Variants in BDP1 observed in about 807,000 individuals in gnomAD.
The protein encoded by BDP1 is BDP1 general transcription factor IIIB subunit, also known as transcription factor TFIIIB component B'' homolog.
In BDP1, 169 loss-of-function variants were observed where a neutral mutation model predicts 266.6. The observed-to-expected ratio is 0.63, with a 90% CI of 0.56 to 0.72. BDP1 has a LOEUF of 0.72. BDP1 is among the 30% of genes least tolerant of loss of function. The pLI, the probability that BDP1 is intolerant of heterozygous loss-of-function variation, is 0.00. For synonymous variants in BDP1, 1,090 were observed against 1,022.4 expected, an observed-to-expected ratio of 1.07 and a Z score of -1.26; for missense variants, 3,015 against 3,053.8, an observed-to-expected ratio of 0.99 and a Z score of 0.30.
At chr5:71,504,574 C>T (rs780567629) in intron 15 of BDP1, 47 bp from the exon 16 acceptor site, 2 of 1,539,454 alleles carry the variant, frequency 1.3e-6, no homozygotes, top group Non-Finnish European at 1.8e-6. Flanking sequence ...ATCTGTTATG[C>T]CTCATTGTGA....
At chr5:71,547,676 C>T (rs550651819) in intron 32 of BDP1, among the ~76,000 whole-genome samples, 4 of 152,178 alleles carry the variant, frequency 2.6e-5, no homozygotes, top group African/African-American at 9.7e-5. Flanking sequence ...GCAGGCCAGG[C>T]GCAGTGGCTC....
chr5:71,492,159 A>T (rs557783937), intron 11 of BDP1, among the ~76,000 whole-genome samples: 9 of 152,276 alleles, frequency 5.9e-5, no homozygotes, highest in Non-Finnish European at 1.0e-4. Flanking sequence ...CATTTTCTTT[A>T]TGGACATTTA....
At position 71,507,003 on chromosome 5, in the gene BDP1, G is replaced by C. The variant is rs191442891; in HGVS notation, c.2372+2252G>C. ...ATCTGGCTAATTTTTAAATTTTTTTGTAGAGACAGGGTTTCGCCATGTTGC... is the reference window on the plus strand; with the variant it reads ...ATCTGGCTAATTTTTAAATTTTTTTCTAGAGACAGGGTTTCGCCATGTTGC... On this transcript the variant is annotated intron_variant, in intron 16 of 38. Coordinates refer to ENST00000358731, the MANE Select transcript of BDP1 (RefSeq NM_018429.3). Among the ~76,000 whole-genome samples the C allele has an allele frequency of 3.5e-3, 529 of 151,956 alleles. 8 individuals carry two copies. Among genetic ancestry groups the C allele is most frequent in the African/African-American group, 0.012 (489 of 41,430 alleles).
chr5:71,481,156 A>G (rs914631876), intron 7 of BDP1, among the ~76,000 whole-genome samples: 5 of 151,958 alleles, frequency 3.3e-5, no homozygotes, highest in African/African-American at 1.2e-4. Context: ...CCTGTGAGAC[A>G]GAGCAAGATT....
At chr5:71,525,742 C>A (rs1765818521) in intron 25 of BDP1, among the ~76,000 whole-genome samples, 1 of 151,730 alleles carries the variant, frequency 6.6e-6, no homozygotes, top group Admixed American at 6.6e-5. Context: ...GGGCTGACCC[C>A]CACCTCCCTC....
chr5:71,512,363 TA>T lies in BDP1; in HGVS notation c.4186del (p.Thr1396GlnfsTer20). Reference protein sequence around the residue: ...KISSQTHESDKTEVQGIQSPD... With the variant: ...KISSQTHESDXTEVQGIQSPD... ...TTTCTTCACAGACTCATGAATCTGA[TA>T]AAACAGAAGTCCAGGGGATTCAATC... is the stretch of plus-strand genomic sequence containing the variant. On this transcript the variant is annotated frameshift_variant, in exon 18 of 39. Transcript: ENST00000358731. LOFTEE classifies it high-confidence loss of function. 6.3e-7 allele frequency: 1 copy of T among 1,598,406 alleles called. No homozygotes were observed.
intron 2 of BDP1, among the ~76,000 whole-genome samples, chr5:71,459,282 G>A (rs186685141): frequency 1.3e-5 from 2 of 152,198 alleles, no homozygotes; most frequent in Admixed American, 6.5e-5. Flanking sequence ...GAGGACTAGG[G>A]GGGCAGATCA....
intron 36 of BDP1, among the ~76,000 whole-genome samples, chr5:71,559,235 A>T (rs1743453424): frequency 6.6e-6 from 1 of 152,222 alleles, no homozygotes; most frequent in African/African-American, 2.4e-5. Context: ...TGAAACTGTA[A>T]TATGGTTACA....
At chr5:71,469,491 G>C (rs1404625491) in intron 6 of BDP1, among the ~76,000 whole-genome samples, 1 of 152,028 alleles carries the variant, frequency 6.6e-6, no homozygotes, top group African/African-American at 2.4e-5. Flanking sequence ...GCACATCTTA[G>C]TTGCCTATGT....
chr5:71,464,137 A>T lies in BDP1; in HGVS notation c.659+20A>T. On this transcript the variant is annotated intron_variant, in intron 4 of 38. Transcript: ENST00000358731. Reference sequence around the variant, plus strand: ...AAGAGAGTAAGTATTTTATTTTTGAATATATTCTATTCCTACATTTTTTAA... The same window carrying T: ...AAGAGAGTAAGTATTTTATTTTTGATTATATTCTATTCCTACATTTTTTAA... 1 of 1,418,204 alleles carries T rather than the reference A, an allele frequency of 7.1e-7. No individual in the cohort carries two copies. The highest frequency in any genetic ancestry group is 1.3e-5 in the South Asian group (1 of 79,098). The allele number at this position is 1,418,204 out of a possible 1,614,324, so 87.9% of individuals were successfully genotyped here.
chr5:71,570,423 C>G (rs979716669), downstream of BDP1, among the ~76,000 whole-genome samples: 1 of 152,166 alleles, frequency 6.6e-6, no homozygotes, highest in Non-Finnish European at 1.5e-5. Flanking sequence ...GGTCTATAAC[C>G]TGATTTATTT....
At chr5:71,466,316 C>A in intron 5 of BDP1, 95 bp downstream of exon 5, 2 of 1,328,838 alleles carry the variant, frequency 1.5e-6, no homozygotes, top group South Asian at 1.4e-5. Context: ...TGGCCTTTGT[C>A]ACTTAGACCT....
chr5:71,476,384 G>A (rs1445372058), intron 7 of BDP1: 3 of 152,180 alleles, frequency 2.0e-5, no homozygotes, highest in African/African-American at 7.2e-5. Context: ...AGTACGGTCT[G>A]GAAGGGTCTT....
At chr5:71,550,788 C>T (rs1742686992) in intron 34 of BDP1, among the ~76,000 whole-genome samples, 1 of 152,170 alleles carries the variant, frequency 6.6e-6, no homozygotes, top group Non-Finnish European at 1.5e-5. Flanking sequence ...TCACTGCAAC[C>T]TCCACCTCCC....
chr5:71,458,202 T>A (rs186947326), intron 1 of BDP1, among the ~76,000 whole-genome samples: 2 of 152,094 alleles, frequency 1.3e-5, no homozygotes, highest in Admixed American at 6.6e-5. Flanking sequence ...TGAATTAAAA[T>A]TTTTTTAAAT....
chr5:71,509,339 TA>T, intron 16 of BDP1, 125 bp from the exon 17 acceptor site: 2 of 1,087,386 alleles, frequency 1.8e-6, no homozygotes, highest in Non-Finnish European at 2.5e-6. Context: ...CAGCGATTCC[TA>T]GGCCTTCCTT....
intron 25 of BDP1, among the ~76,000 whole-genome samples, chr5:71,525,399 C>T (rs1765754689): frequency 7.2e-6 from 1 of 139,212 alleles, no homozygotes; most frequent in Admixed American, 7.1e-5. Context: ...GGGCTGACCC[C>T]CCCACCTCCC....
At chr5:71,547,896 C>T (rs1387082208) in intron 32 of BDP1, among the ~76,000 whole-genome samples, 1 of 151,808 alleles carries the variant, frequency 6.6e-6, no homozygotes, top group Non-Finnish European at 1.5e-5. Flanking sequence ...GCGGAGGTTG[C>T]AGTGAGCCGA....
chr5:71,530,654 A>C (rs1766186955), intron 25 of BDP1, among the ~76,000 whole-genome samples: 1 of 152,102 alleles, frequency 6.6e-6, no homozygotes, highest in Non-Finnish European at 1.5e-5. Context: ...GAGTAGCTAG[A>C]ACTACAGGCA....
Sources: gnomAD v4.1 joint callset for allele counts (sites outside exome capture counted in the v4.1 genomes callset) on GRCh38, gnomAD v4.1.1 for gene constraint, MANE v1.5 for transcripts, NCBI Gene and HGNC (gene_info 2026-07-23, HGNC 2026-07-21) for gene names.